HIBCH: variants seen among roughly 807,000 people sequenced by gnomAD.
HIBCH encodes the protein 3-hydroxyisobutyryl-CoA hydrolase.
Under a neutral mutation model 58.2 loss-of-function variants are expected in HIBCH, and 50 were observed. That is an observed-to-expected ratio of 0.86 (90% CI 0.68 to 1.09). HIBCH has a LOEUF of 1.09. HIBCH is among the 50% of genes least tolerant of loss of function. The pLI is 0.00. For missense variants in HIBCH, 450 were observed against 449.7 expected (o/e 1.00, Z -0.01); for synonymous variants, 151 against 146.9 (o/e 1.03, Z -0.20).
chr2:190,309,618 G>A lies in HIBCH; in HGVS notation c.78+1136C>T, dbSNP rs1373129434. Among the ~76,000 whole-genome samples the A allele has an allele frequency of 2.7e-5, 4 of 150,722 alleles. No individual in the cohort carries two copies. The South Asian group carries it at 6.3e-4, about 24-fold the overall frequency. ...GTCGCCCAGGCTGGAGTGCAGTGGC[G>A]CATCTTGGCTCACTGCAAGCTCTGC... is the stretch of plus-strand genomic sequence containing the variant. On this transcript the variant is annotated intron_variant, in intron 2 of 13. Coordinates refer to ENST00000359678, the MANE Select transcript of HIBCH (RefSeq NM_014362.4).
intron 1 of HIBCH, among the ~76,000 whole-genome samples, chr2:190,318,274 G>A (rs969145841): frequency 6.6e-6 from 1 of 151,840 alleles, no homozygotes; most frequent in Non-Finnish European, 1.5e-5. Context: ...AAGTCCAAGA[G>A]CTAAACTGGC....
rs772387795 is a variant in HIBCH at position 190,278,193 on chromosome 2, G to A, written c.438+9393C>T. ...CAAATTCCAGACTAAACTAGAGATG[G>A]GGCAGGGAAAGAATCTGCTTTTTTT... is the stretch of plus-strand genomic sequence containing the variant. On this transcript the variant is annotated intron_variant, in intron 6 of 13. Transcript: ENST00000359678. Among the ~76,000 whole-genome samples the A allele has an allele frequency of 6.6e-5, 10 of 152,068 alleles. No homozygotes were observed. In the South Asian group the frequency reaches 1.2e-3, roughly 19 times the overall value.
intron 11 of HIBCH, among the ~76,000 whole-genome samples, chr2:190,235,169 C>T (rs1200591969): frequency 6.6e-6 from 1 of 152,148 alleles, no homozygotes. Flanking sequence ...CTTCTACAGC[C>T]CTTCGTATTT....
chr2:190,216,456 G>C lies in HIBCH; in HGVS notation c.892-3381C>G, dbSNP rs1685538652. 1.3e-5 allele frequency among the ~76,000 whole-genome samples: 2 copies of C among 152,294 alleles called. No homozygotes were observed. The highest frequency in any genetic ancestry group is 4.1e-4 in the South Asian group (2 of 4,822). On this transcript the variant is annotated intron_variant, in intron 11 of 13. Coordinates refer to ENST00000359678, the MANE Select transcript of HIBCH (RefSeq NM_014362.4). This position sits in a 1 kb window ranked among gnomAD's most constrained non-coding sequence, Gnocchi z 4.2. ...GTCAGTAAGGCTGCAGAAGGTCTGG[G>C]GGGCTATATAAGTTAGATCAGAGGG...
intron 11 of HIBCH, among the ~76,000 whole-genome samples, chr2:190,227,857 C>T (rs946552007): frequency 6.6e-6 from 1 of 152,156 alleles, no homozygotes; most frequent in Admixed American, 6.6e-5. Flanking sequence ...CAATGAGATA[C>T]CAACTCATAC....
chr2:190,200,582 G>A (rs1016434572), downstream of HIBCH: 1 of 181,334 alleles, frequency 5.5e-6, no homozygotes, highest in East Asian at 1.6e-4. Flanking sequence ...CGAGGGAATG[G>A]CACTCAAATC....
chr2:190,242,081 T>G (rs1268054999), intron 11 of HIBCH, among the ~76,000 whole-genome samples: 1 of 152,136 alleles, frequency 6.6e-6, no homozygotes, highest in African/African-American at 2.4e-5. Context: ...CATTCTCCCG[T>G]CACTTTCAGA....
chr2:190,212,246 A>T (rs1211002911), intron 12 of HIBCH, among the ~76,000 whole-genome samples: 1 of 152,194 alleles, frequency 6.6e-6, no homozygotes, highest in East Asian at 1.9e-4. Context: ...GTTATTTCTA[A>T]CTAGATGAAC....
Position 190,281,611 on chromosome 2 carries a change from G to A in HIBCH, c.438+5975C>T, listed in dbSNP as rs890126374. ...TACTCTCTTTAGCAAAAATTGCTGC[G>A]CCACACCTTGGTTTCCTCTCCCAAA... On this transcript the variant is annotated intron_variant, in intron 6 of 13. Transcript: ENST00000359678. The surrounding 1 kb of genome is among the most constrained non-coding windows in gnomAD (Gnocchi z 5.4). 1.3e-5 allele frequency among the ~76,000 whole-genome samples: 2 copies of A among 152,120 alleles called. No homozygotes were observed. Among genetic ancestry groups the A allele is most frequent in the Non-Finnish European group, 2.9e-5 (2 of 68,030 alleles).
intron 11 of HIBCH, among the ~76,000 whole-genome samples, chr2:190,223,068 C>T (rs945876476): frequency 6.6e-5 from 10 of 152,008 alleles, no homozygotes; most frequent in African/African-American, 2.2e-4. Context: ...GGGAGTTGAA[C>T]AATAAGAACA....
At chr2:190,293,258 C>A (rs1373846355) in intron 4 of HIBCH, among the ~76,000 whole-genome samples, 1 of 149,968 alleles carries the variant, frequency 6.7e-6, no homozygotes, top group Non-Finnish European at 1.5e-5. Context: ...TCAAGACCAG[C>A]CTGGCCAACA....
chr2:190,248,162 C>T (rs1402518671), intron 9 of HIBCH, among the ~76,000 whole-genome samples: 1 of 152,054 alleles, frequency 6.6e-6, no homozygotes, highest in African/African-American at 2.4e-5. Context: ...CTTCCAGTGC[C>T]TTTGTTGTTT....
At chr2:190,307,304 T>G (rs1465475297) in intron 2 of HIBCH, among the ~76,000 whole-genome samples, 1 of 152,120 alleles carries the variant, frequency 6.6e-6, no homozygotes, top group African/African-American at 2.4e-5. Context: ...AAAAAGAAAA[T>G]GAAAATAGAA....
rs1575681455 is a variant in HIBCH, at chr2:190,197,253, G to C, written c.*18-7256C>G. Among the ~76,000 whole-genome samples the C allele has an allele frequency of 1.3e-5, 2 of 152,168 alleles. No individual in the cohort carries two copies. Among genetic ancestry groups the C allele is most frequent in the African/African-American group, 4.8e-5 (2 of 41,434 alleles). On this transcript the variant is annotated intron_variant, in intron 1 of 1. Transcript: ENST00000399855. The surrounding 1 kb of genome is among the most constrained non-coding windows in gnomAD (Gnocchi z 4.0). ...GAAAACACTTGCCAAACCTTGTTTAGGGTATACTACTGATTCCTAAGGTGT... is the reference window on the plus strand; with the variant it reads ...GAAAACACTTGCCAAACCTTGTTTACGGTATACTACTGATTCCTAAGGTGT...
chr2:190,257,586 G>A (rs186953840), intron 7 of HIBCH, among the ~76,000 whole-genome samples: 3 of 152,226 alleles, frequency 2.0e-5, no homozygotes, highest in Non-Finnish European at 4.4e-5. Context: ...ATATTAAAAA[G>A]ATAATAGGGG....
downstream of HIBCH, chr2:190,203,262 A>G (rs1424573855): frequency 6.0e-6 from 1 of 167,054 alleles, no homozygotes; most frequent in Non-Finnish European, 1.5e-5. Flanking sequence ...CTTAATCACA[A>G]TGCCCTCAAC....
chr2:190,302,728 G>C (rs1243446902), intron 2 of HIBCH, among the ~76,000 whole-genome samples: 1 of 152,112 alleles, frequency 6.6e-6, no homozygotes, highest in Non-Finnish European at 1.5e-5. Flanking sequence ...CTTTCTCTGG[G>C]GTCCCCTTGG....
intron 4 of HIBCH, among the ~76,000 whole-genome samples, chr2:190,294,022 G>GTATATATATATATATATATATATA (rs1553505756): frequency 2.4e-5 from 2 of 83,018 alleles, no homozygotes; most frequent in South Asian, 4.2e-4. Flanking sequence ...TATTTTGTGT[G>GTATATATATATATATATATATATA]TATATATATA....
At chr2:190,261,364 G>A (rs1244133773) in intron 6 of HIBCH, 130 bp from the exon 7 acceptor site, 5 of 684,154 alleles carry the variant, frequency 7.3e-6, no homozygotes, top group Non-Finnish European at 1.3e-5. Context: ...CTTGCTTCAG[G>A]GAATAGGTTG....
Sources: allele counts gnomAD v4.1 joint callset (sites outside exome capture counted in the v4.1 genomes callset), GRCh38; gene constraint gnomAD v4.1.1; non-coding constraint Gnocchi (gnomAD v3.1); transcripts MANE v1.5; gene names NCBI Gene and HGNC (gene_info 2026-07-23, HGNC 2026-07-21).